The following PRAMEF19 variants were observed in gnomAD, a reference collection of about 807,000 sequenced individuals.
The protein encoded by PRAMEF19 is PRAME family member 19.
A neutral mutation model predicts 33.1 loss-of-function variants in PRAMEF19; 21 were observed. The observed-to-expected ratio is 0.63, with a 90% CI of 0.45 to 0.91. PRAMEF19 has a LOEUF of 0.91. Ranked by LOEUF, PRAMEF19 falls within the 40% of genes least tolerant of loss-of-function variation. The pLI is 0.00. For missense variants in PRAMEF19, 481 were observed against 585.2 expected, an observed-to-expected ratio of 0.82 and a Z score of 1.84; for synonymous variants, 179 against 229.3, an observed-to-expected ratio of 0.78 and a Z score of 1.98.
chr1:13,369,009 T>C (rs1640633705), downstream of PRAMEF19: 1 of 1,597,952 alleles, frequency 6.3e-7, no homozygotes, highest in South Asian at 1.1e-5. Context: ...AAGATATCTA[T>C]GTCCTAGATT....
At chr1:13,370,755 G>C (rs1640661492) in exon 2 of PRAMEF19, 2 of 1,613,810 alleles carry the variant, frequency 1.2e-6, no homozygotes, top group Non-Finnish European at 1.7e-6. Context: ...GCAACTAACT[G>C]TCCTTGGCTC....
downstream of PRAMEF19, among the ~76,000 whole-genome samples, chr1:13,368,819 T>A (rs1308482107): frequency 2.0e-5 from 3 of 152,076 alleles, no homozygotes; most frequent in Non-Finnish European, 4.4e-5. Flanking sequence ...GCTCCCTTTA[T>A]AATACACCTA....
At chr1:13,370,592 T>A in intron 2 of PRAMEF19, 57 bp downstream of exon 2, 2 of 1,608,414 alleles carry the variant, frequency 1.2e-6, no homozygotes, top group Non-Finnish European at 1.7e-6. Context: ...TAGTGTTTAC[T>A]GTAACAAAAA....
chr1:13,369,752 A>C, intron 2 of PRAMEF19, 112 bp from the exon 3 acceptor site: 2 of 1,440,280 alleles, frequency 1.4e-6, no homozygotes, highest in South Asian at 2.5e-5. Context: ...TGTTCTCATC[A>C]TCTAATCATG....
downstream of PRAMEF19, chr1:13,369,004 A>G: frequency 6.3e-7 from 1 of 1,590,086 alleles, no homozygotes; most frequent in African/African-American, 1.4e-5. Context: ...AATAAAAGAT[A>G]TCTATGTCCT....
At chr1:13,369,265 G>A (rs1432177903) in exon 3 of PRAMEF19, 4 of 1,612,018 alleles carry the variant, frequency 2.5e-6, no homozygotes, top group African/African-American at 1.3e-5. Flanking sequence ...TCTCCCGAGG[G>A]GCAGGATATG....
intron 2 of PRAMEF19, among the ~76,000 whole-genome samples, chr1:13,370,022 C>G (rs1640651636): frequency 1.3e-5 from 2 of 152,144 alleles, no homozygotes; most frequent in South Asian, 4.1e-4. Flanking sequence ...CTGACATGGC[C>G]ACATCTGCAA....
exon 2 of PRAMEF19, chr1:13,370,856 A>C: frequency 6.2e-7 from 1 of 1,613,960 alleles, no homozygotes; most frequent in Non-Finnish European, 8.5e-7. Context: ...CTCTGCTACC[A>C]TACACGGCCA....
chr1:13,371,628 T>C (rs2100385483), exon 1 of PRAMEF19: 7 of 1,610,696 alleles, frequency 4.3e-6, no homozygotes, highest in East Asian at 2.2e-5. Flanking sequence ...GGCGAACCTT[T>C]TGGGCAAGCA....
At chr1:13,369,303 C>T (rs1250990555) in exon 3 of PRAMEF19, 19 of 1,611,952 alleles carry the variant, frequency 1.2e-5, no homozygotes, top group Admixed American at 1.7e-5. Flanking sequence ...CTCAGCCTGC[C>T]TGTGTGGCGC....
chr1:13,371,770 A>C, exon 1 of PRAMEF19: 1 of 1,611,220 alleles, frequency 6.2e-7, no homozygotes, highest in Non-Finnish European at 8.5e-7. Flanking sequence ...TCTGCTAGTG[A>C]AGGCCTCCAC....
intron 2 of PRAMEF19, 116 bp from the exon 3 acceptor site, chr1:13,369,756 A>T: frequency 7.1e-7 from 1 of 1,403,154 alleles, no homozygotes; most frequent in Non-Finnish European, 9.9e-7. Flanking sequence ...CTCATCATCT[A>T]ATCATGGTCC....
At position 13,370,919 on chromosome 1, in the gene PRAMEF19, AAT is replaced by A. The variant is rs1640663713; in HGVS notation, c.594_595del (p.Leu199ArgfsTer26). ...GATACTGTCTGGGTATACTGTTTCT[AAT>A]ATGTTTCTGAAATTTAGAATGTTCA... On this transcript the variant is annotated frameshift_variant, in exon 2 of 3. Coordinates refer to ENST00000376101, the Ensembl canonical transcript of PRAMEF19. LOFTEE classifies it high-confidence loss of function. 1 of 1,613,842 alleles carries A rather than the reference AAT, an allele frequency of 6.2e-7. No homozygotes were observed. Among genetic ancestry groups the A allele is most frequent in the Non-Finnish European group, 8.5e-7 (1 of 1,179,840 alleles).
At chr1:13,369,279 C>T in exon 3 of PRAMEF19, 1 of 1,612,060 alleles carries the variant, frequency 6.2e-7, no homozygotes, top group Non-Finnish European at 8.5e-7. Context: ...GGATATGTTT[C>T]CAGGCTCAAA....
exon 1 of PRAMEF19, chr1:13,371,780 C>G: frequency 6.2e-7 from 1 of 1,611,528 alleles, no homozygotes; most frequent in Non-Finnish European, 8.5e-7. Context: ...AAGGCCTCCA[C>G]GAACAGTCGG....
At chr1:13,369,134 G>A (rs1417769624) in exon 3 of PRAMEF19, 3 of 1,611,866 alleles carry the variant, frequency 1.9e-6, no homozygotes, top group South Asian at 2.2e-5. Flanking sequence ...GCCACAGCAA[G>A]GGCAGGAGAC....
chr1:13,370,901 T>A, exon 2 of PRAMEF19: 15 of 1,613,974 alleles, frequency 9.3e-6, no homozygotes, highest in Non-Finnish European at 1.3e-5. Flanking sequence ...TTGGATACTG[T>A]CTGGGTATAC....
At chr1:13,368,760 T>A (rs1294423627), downstream of PRAMEF19, among the ~76,000 whole-genome samples, 1 of 151,638 alleles carries the variant, frequency 6.6e-6, no homozygotes, top group Non-Finnish European at 1.5e-5. Context: ...TTTTTTTGTG[T>A]TTTTTTTCCC....
intron 2 of PRAMEF19, 44 bp downstream of exon 2, chr1:13,370,605 G>A: frequency 6.2e-7 from 1 of 1,611,540 alleles, no homozygotes; most frequent in Non-Finnish European, 8.5e-7. Context: ...AACAAAAAAA[G>A]GCTGTGCTGT....
Sources: gnomAD v4.1 joint callset for allele counts (sites outside exome capture counted in the v4.1 genomes callset) on GRCh38, gnomAD v4.1.1 for gene constraint, MANE v1.5 for transcripts, NCBI Gene and HGNC (gene_info 2026-07-23, HGNC 2026-07-21) for gene names.